CDAN1: variants seen among roughly 807,000 people sequenced by gnomAD.
The protein encoded by CDAN1 is codanin-1.
Under a neutral mutation model 139.8 loss-of-function variants are expected in CDAN1, and 107 were observed. The observed-to-expected ratio is 0.77, with a 90% CI of 0.65 to 0.90. The LOEUF (loss-of-function observed/expected upper bound fraction) is 0.90. Ranked by LOEUF, CDAN1 falls within the 40% of genes least tolerant of loss-of-function variation. The pLI is 0.00. For synonymous variants in CDAN1, 776 were observed against 660.6 expected (o/e 1.17, Z -2.68); for missense variants, 1,667 against 1,575.7 (o/e 1.06, Z -0.98).
rs866710253 is a variant in CDAN1 at position 42,724,538 on chromosome 15, A to G, written c.3637T>C (p.Cys1213Arg). ...CCCCGGTTTGGCTGCACCAACTCACAGGCTCTTAGCTGGGGTTCTGGCAGG... is the reference window on the plus strand; with the variant it reads ...CCCCGGTTTGGCTGCACCAACTCACGGGCTCTTAGCTGGGGTTCTGGCAGG... ...PHLPEPQLRA[C>R]ELVQPNRGTV... Residue 1213 changes from cysteine (C) to arginine (R), a missense_variant, in exon 28 of 28, where the codon TGT (cysteine) becomes CGT (arginine). Coordinates refer to ENST00000356231, the MANE Select transcript of CDAN1 (RefSeq NM_138477.4). 7 of 1,565,644 alleles carry G rather than the reference A, an allele frequency of 4.5e-6. No individual in the cohort carries two copies. The highest frequency in any genetic ancestry group is 6.1e-6 in the Non-Finnish European group (7 of 1,154,116).
intron 11 of CDAN1, 83 bp downstream of exon 11, chr15:42,731,537 G>T (rs540215129): frequency 1.3e-6 from 2 of 1,497,612 alleles, no homozygotes; most frequent in Non-Finnish European, 1.9e-6. Flanking sequence ...AGGCAAAGGA[G>T]ACTGGAGAAC....
intron 11 of CDAN1, 59 bp downstream of exon 11, chr15:42,731,561 G>A: frequency 1.9e-6 from 3 of 1,574,812 alleles, no homozygotes; most frequent in Non-Finnish European, 2.6e-6. Context: ...TTACCCTTTT[G>A]GGAAGCCAAA....
intron 8 of CDAN1, 55 bp from the exon 9 acceptor site, chr15:42,733,241 C>T (rs2061640645): frequency 1.4e-6 from 2 of 1,450,262 alleles, no homozygotes; most frequent in East Asian, 4.5e-5. Flanking sequence ...CAGTGCCTTC[C>T]TGCCCCTGGA....
Position 42,731,691 on chromosome 15 carries a change from CCCA to C in CDAN1, c.1665_1667del (p.Ser555_Gly556delinsArg). The C allele has an allele frequency of 6.2e-7, 1 of 1,614,126 alleles. No individual in the cohort carries two copies. The highest frequency in any genetic ancestry group is 8.5e-7 in the Non-Finnish European group (1 of 1,180,004). ...GGAAGGTGGGGGGTGGGCAGGGCCCCCCACTGCTCTGAGGAGCCATAAGCCGTT... is the reference window on the plus strand; with the variant it reads ...GGAAGGTGGGGGGTGGGCAGGGCCCCCTGCTCTGAGGAGCCATAAGCCGTT... On this transcript the variant is annotated inframe_deletion, in exon 11 of 28. Coordinates refer to ENST00000356231, the MANE Select transcript of CDAN1 (RefSeq NM_138477.4).
At chr15:42,731,502 T>G (rs1162950435) in intron 11 of CDAN1, 118 bp downstream of exon 11, 10 of 1,414,720 alleles carry the variant, frequency 7.1e-6, no homozygotes, top group South Asian at 4.6e-5. Flanking sequence ...AGCCAGCAAG[T>G]TGGAGCTGGA....
chr15:42,727,889 C>T (rs2061552951), intron 22 of CDAN1, 66 bp downstream of exon 22: 2 of 1,598,856 alleles, frequency 1.3e-6, no homozygotes, highest in Admixed American at 3.3e-5. Context: ...CACAAGATGC[C>T]TCTGACTCTC....
Position 42,725,190 on chromosome 15 carries a change from T to C in CDAN1, c.3512A>G (p.Glu1171Gly). The change falls in exon 27 of 28, where the codon GAG becomes GGG. Residue 1171 changes from glutamate to glycine, a missense_variant. Glu to Gly is a moderately conservative substitution (Grantham distance 98). This residue lies in a region of CDAN1 where 936 missense variants were observed against 844.1 expected (regional missense o/e 1.11). Coordinates refer to ENST00000356231, the MANE Select transcript of CDAN1 (RefSeq NM_138477.4). ...LVEKGLMGRM[E>G]IEACLGSLHQ... ...GAGGCTGCCCAGGCAGGCCTCTATCTCCATCCGTCCCATCAGACCCTTCTC... is the reference window on the plus strand; with the variant it reads ...GAGGCTGCCCAGGCAGGCCTCTATCCCCATCCGTCCCATCAGACCCTTCTC... 4 of 1,614,208 alleles carry C rather than the reference T, an allele frequency of 2.5e-6. No homozygotes were observed. The highest frequency in any genetic ancestry group is 3.4e-6 in the Non-Finnish European group (4 of 1,180,052).
chr15:42,734,980 A>T, intron 6 of CDAN1, 120 bp downstream of exon 6: 1 of 736,850 alleles, frequency 1.4e-6, no homozygotes, highest in Non-Finnish European at 2.5e-6. Context: ...GAAAGATTAT[A>T]GGTAGGAGAA....
At chr15:42,732,507 A>AG (rs1441760576) in intron 9 of CDAN1, 99 bp from the exon 10 acceptor site, 1 of 1,138,838 alleles carries the variant, frequency 8.8e-7, no homozygotes, top group African/African-American at 1.5e-5. Flanking sequence ...GCCGTTTACC[A>AG]GGGACTTGAG....
chr15:42,726,394 C>A lies in CDAN1; in HGVS notation c.3120G>T (p.Gly1040=), dbSNP rs765554263. The A allele has an allele frequency of 6.3e-7, 1 of 1,597,352 alleles. No individual in the cohort carries two copies. Among genetic ancestry groups the A allele is most frequent in the Non-Finnish European group, 8.5e-7 (1 of 1,172,184 alleles). The change falls in exon 24 of 28, where the codon GGG becomes GGT. Residue 1040 remains glycine, a synonymous_variant. Transcript: ENST00000356231. ...AGACTCCCTCGTCAGGGTCCCGTGG[C>A]CCCACGGCCAAGGAGAGCACGTCCT... ...EIKDVLSLAV[G]PRDPDEGVSP... is the part of the protein sequence containing the mutation.
Position 42,733,144 on chromosome 15 carries a change from A to G in CDAN1, c.1410T>C (p.His470=), listed in dbSNP as rs1234995731. The change falls in exon 9 of 28, where the codon CAT becomes CAC. Residue 470 remains histidine (H), a synonymous_variant. Coordinates refer to ENST00000356231, the MANE Select transcript of CDAN1 (RefSeq NM_138477.4). ...YEVLREWEDH[H]EEPGWDFEKG... is the part of the protein sequence containing the mutation. ...TCTCAAAATCCCAGCCAGGCTCCTCATGGTGATCTTCCCACTCTCGCAGCA... is the reference window on the plus strand; with the variant it reads ...TCTCAAAATCCCAGCCAGGCTCCTCGTGGTGATCTTCCCACTCTCGCAGCA... The G allele has an allele frequency of 6.2e-7, 1 of 1,614,058 alleles. No homozygotes were observed. The highest frequency in any genetic ancestry group is 1.3e-5 in the African/African-American group (1 of 75,010).
In CDAN1 at chr15:42,724,463, A is replaced by G; in HGVS notation, c.*28T>C. On this transcript the variant is annotated 3_prime_UTR_variant, in exon 28 of 28. Coordinates refer to ENST00000356231, the MANE Select transcript of CDAN1 (RefSeq NM_138477.4). ...GGCGGGGGTCCAGGGTTCTGGTGCA[A>G]TGCCCAAGGCAGGGCCACTTCTCAG... is the stretch of plus-strand genomic sequence containing the variant. 1 of 1,570,920 alleles carries G rather than the reference A, an allele frequency of 6.4e-7. No individual in the cohort carries two copies. The highest frequency in any genetic ancestry group is 8.6e-7 in the Non-Finnish European group (1 of 1,157,330).
In CDAN1 at chr15:42,728,248, G is replaced by T; in HGVS notation, c.2824C>A (p.Pro942Thr). Residue 942 changes from proline to threonine, a missense_variant, in exon 21 of 28, where the codon CCT becomes ACT. By Grantham distance (38) the Pro-to-Thr change is conservative (BLOSUM62 -1). Transcript: ENST00000356231. Reference sequence around the variant, plus strand: ...GGAAGCAGCGCCCGCACAGCCCCAGGGCTCTTCCTTTGACAGAACCTAAAA... The same window carrying T: ...GGAAGCAGCGCCCGCACAGCCCCAGTGCTCTTCCTTTGACAGAACCTAAAA... ...LGREFCQRKS[P>T]GAVRALLPEE... is the part of the protein sequence containing the mutation. The T allele has an allele frequency of 1.2e-6, 2 of 1,613,934 alleles. No homozygotes were observed. The highest frequency in any genetic ancestry group is 1.7e-6 in the Non-Finnish European group (2 of 1,179,936).
chr15:42,725,840 A>G (rs954412059), intron 25 of CDAN1, among the ~76,000 whole-genome samples, 170 bp from the exon 26 acceptor site: 5 of 151,970 alleles, frequency 3.3e-5, no homozygotes, highest in African/African-American at 1.2e-4. Context: ...AAAATTAGCC[A>G]GGCGTGGTGG....
Position 42,731,716 on chromosome 15 carries a change from C to A in CDAN1, c.1643G>T (p.Arg548Leu), listed in dbSNP as rs1168398906. The A allele has an allele frequency of 6.2e-7, 1 of 1,614,048 alleles. No homozygotes were observed. Among genetic ancestry groups the A allele is most frequent in the African/African-American group, 1.3e-5 (1 of 74,936 alleles). ...KLGRLWRLQE[R>L]LMAPQSSGGP... The stretch of plus-strand genomic sequence containing the variant: ...CCCACTGCTCTGAGGAGCCATAAGC[C>A]GTTCCTGTAGGCGCCACAACCGCCC... Residue 548 changes from arginine (R) to leucine (L), a missense_variant, in exon 11 of 28, where the codon CGG (arginine) becomes CTG (leucine). Arg to Leu is a moderately radical substitution (Grantham distance 102). This residue lies in a region of CDAN1 where 244 missense variants were observed against 309.4 expected (regional missense o/e 0.79). Transcript: ENST00000356231.
rs1445762658 is a variant in CDAN1 at position 42,723,883 on chromosome 15, A to T, written c.*608T>A. 1 of 158,080 alleles carries T rather than the reference A, an allele frequency of 6.3e-6. No homozygotes were observed. Among genetic ancestry groups the T allele is most frequent in the Non-Finnish European group, 1.4e-5 (1 of 71,754 alleles). 9.8% of individuals were successfully genotyped at this position (158,080 alleles called of 1,614,324 possible). On this transcript the variant is annotated 3_prime_UTR_variant, in exon 28 of 28. Transcript: ENST00000356231. ...ACCATGCCCAGCTAATAATTTTTTT[A>T]TTTTTAGTAGAGATGGGGTTTTGCC...
chr15:42,726,695 G>A, intron 23 of CDAN1: 3 of 532,448 alleles, frequency 5.6e-6, no homozygotes, highest in Admixed American at 3.2e-5. Context: ...GGACCAAACT[G>A]TAGCTAACCA....
intron 9 of CDAN1, 130 bp downstream of exon 9, chr15:42,732,967 G>C: frequency 1.3e-6 from 1 of 771,034 alleles, no homozygotes; most frequent in Non-Finnish European, 2.3e-6. Flanking sequence ...AAGAGATTTC[G>C]GAGGATAGTA....
chr15:42,729,930 C>A, intron 15 of CDAN1, 45 bp from the exon 16 acceptor site: 1 of 1,417,330 alleles, frequency 7.1e-7, no homozygotes, highest in Non-Finnish European at 9.8e-7. Flanking sequence ...AGACCCCCAC[C>A]CAACCCACCC....
Sources: allele counts gnomAD v4.1 joint callset (sites outside exome capture counted in the v4.1 genomes callset), GRCh38; gene constraint gnomAD v4.1.1; regional missense constraint gnomAD v4.1.1; transcripts MANE v1.5; gene names NCBI Gene and HGNC (gene_info 2026-07-23, HGNC 2026-07-21).